COL4A5: variants seen among roughly 807,000 people sequenced by gnomAD.
COL4A5 encodes collagen type IV alpha 5 chain.
A neutral mutation model predicts 130.2 loss-of-function variants in COL4A5; 26 were observed. That is an observed-to-expected ratio of 0.20 (90% CI 0.15 to 0.28). The LOEUF (loss-of-function observed/expected upper bound fraction) is 0.28. COL4A5 is among the 10% of genes least tolerant of loss of function. The pLI, the probability that COL4A5 is intolerant of heterozygous loss-of-function variation, is 1.00. For synonymous variants in COL4A5, 496 were observed against 439.6 expected, an observed-to-expected ratio of 1.13 and a Z score of -1.60; for missense variants, 1,131 against 1,344.3, an observed-to-expected ratio of 0.84 and a Z score of 2.48.
At chrX:108,526,467 C>G (rs1220666759) in intron 1 of COL4A5, among the ~76,000 whole-genome samples, 1 of 110,086 alleles carries the variant, frequency 9.1e-6, no homozygotes, top group African/African-American at 3.3e-5. Flanking sequence ...TTTCCCTTTC[C>G]TTTTCCTCTT....
At position 108,580,676 on chromosome X, in the gene COL4A5, G is replaced by T; in HGVS notation, c.835-6G>T. On this transcript the variant is annotated splice_region_variant and splice_polypyrimidine_tract_variant and intron_variant, in intron 14 of 52. Transcript: ENST00000328300. ...AACCATTGTGAAACTATTTTTATGT[G>T]TACAGGGTCCCCCAGGTGGTGAGAA... 12 of 1,209,742 alleles carry T rather than the reference G, an allele frequency of 9.9e-6. No individual in the cohort carries two copies. Among genetic ancestry groups the T allele is most frequent in the Non-Finnish European group, 1.3e-5 (12 of 893,828 alleles).
chrX:108,549,375 A>G (rs1397765775), intron 2 of COL4A5, among the ~76,000 whole-genome samples: 1 of 112,034 alleles, frequency 8.9e-6, no homozygotes, highest in East Asian at 2.8e-4. Flanking sequence ...GACCCTCTAA[A>G]TACCAAAAGA....
chrX:108,620,124 G>A lies in COL4A5; in HGVS notation c.2510-135G>A, dbSNP rs2067009523. On this transcript the variant is annotated intron_variant, in intron 30 of 52. Coordinates refer to ENST00000328300, the MANE Select transcript of COL4A5 (RefSeq NM_033380.3). Reference sequence around the variant, plus strand: ...GATTGTTCAGTTATTTTGTGTGCATGATGTCAAAAGTATCTCTAACTCACT... The same window carrying A: ...GATTGTTCAGTTATTTTGTGTGCATAATGTCAAAAGTATCTCTAACTCACT... 1.3e-5 allele frequency: 7 copies of A among 530,714 alleles called. No individual in the cohort carries two copies. In the East Asian group the frequency reaches 1.8e-4, roughly 14 times the overall value. The allele number at this position is 530,714 out of a possible 1,213,427, so 43.7% of individuals were successfully genotyped here. A position where few individuals can be genotyped will look rare whatever the true frequency, so the allele number is the denominator to read the frequency against.
chrX:108,473,344 G>C (rs1443631456), intron 1 of COL4A5, among the ~76,000 whole-genome samples: 1 of 107,640 alleles, frequency 9.3e-6, no homozygotes, highest in Non-Finnish European at 1.9e-5. Context: ...AGGTACTTCA[G>C]AAGGTATTTG....
chrX:108,466,113 TGG>T (rs1225187751), intron 1 of COL4A5, among the ~76,000 whole-genome samples: 318 of 112,350 alleles, frequency 2.8e-3, no homozygotes, highest in African/African-American at 9.9e-3. Flanking sequence ...TTGCATTGTA[TGG>T]ATATACCACA....
chrX:108,633,885 T>C (rs1035158971), intron 36 of COL4A5, among the ~76,000 whole-genome samples: 2 of 111,930 alleles, frequency 1.8e-5, no homozygotes, highest in South Asian at 7.3e-4. Context: ...TAGGTACAGG[T>C]GATCTTTGCT....
chrX:108,674,263 A>G (rs949354579), intron 42 of COL4A5, among the ~76,000 whole-genome samples: 2 of 111,190 alleles, frequency 1.8e-5, no homozygotes, highest in African/African-American at 6.5e-5. Flanking sequence ...TATCTTCTTG[A>G]AGCAGTCTGA....
chrX:108,685,446 A>G (rs1328338863), intron 47 of COL4A5, among the ~76,000 whole-genome samples: 5 of 112,385 alleles, frequency 4.4e-5, no homozygotes, highest in Admixed American at 3.8e-4. Context: ...TCCAATTTGA[A>G]CAACTAATTA....
At chrX:108,655,563 C>T in intron 37 of COL4A5, 106 bp downstream of exon 37, 2 of 889,539 alleles carry the variant, frequency 2.2e-6, no homozygotes, top group Admixed American at 2.4e-5. Context: ...ATTTCCCAAT[C>T]AGATACTGAC....
intron 36 of COL4A5, among the ~76,000 whole-genome samples, chrX:108,648,770 C>T (rs1203990571): frequency 3.6e-5 from 4 of 111,489 alleles, no homozygotes; most frequent in African/African-American, 1.3e-4. Context: ...TATGACAAAC[C>T]CACAGCCAAC....
chrX:108,450,795 G>A (rs777286359), intron 1 of COL4A5, among the ~76,000 whole-genome samples: 6 of 110,790 alleles, frequency 5.4e-5, no homozygotes, highest in African/African-American at 1.3e-4. Flanking sequence ...AAGATAGATC[G>A]AGTTTAATGT....
rs182239618 is a variant in COL4A5 at position 108,560,193 on chromosome X, G to A, written c.231+1040G>A. Among the ~76,000 whole-genome samples the A allele has an allele frequency of 2.7e-5, 3 of 112,009 alleles. No homozygotes were observed. In the Admixed American group the frequency reaches 2.8e-4, roughly 11 times the overall value. On this transcript the variant is annotated intron_variant, in intron 3 of 52. Coordinates refer to ENST00000328300, the MANE Select transcript of COL4A5 (RefSeq NM_033380.3). ...CTTGGAGAACTGAATGTAAGCATGA[G>A]CCCCAGCTATTGCCAAGCCAGTAAT...
chrX:108,541,133 A>T (rs778468324), intron 2 of COL4A5, among the ~76,000 whole-genome samples: 1 of 112,269 alleles, frequency 8.9e-6, no homozygotes, highest in South Asian at 3.7e-4. Context: ...TACATTTCCA[A>T]GCCCCATTTG....
At chrX:108,440,798 T>C (rs1420235842) in intron 1 of COL4A5, among the ~76,000 whole-genome samples, 2 of 112,061 alleles carry the variant, frequency 1.8e-5, no homozygotes, top group East Asian at 5.6e-4. Context: ...TAAGGCAACA[T>C]ACCAAGAAGA....
chrX:108,535,443 G>A lies in COL4A5; in HGVS notation c.82-4303G>A, dbSNP rs190906471. ...AGAATTATTTGAAGTTTACTATGAA[G>A]GCATGTTTTTTCTACGTAGAGTCAG... On this transcript the variant is annotated intron_variant, in intron 1 of 52. Transcript: ENST00000328300. Among the ~76,000 whole-genome samples the A allele has an allele frequency of 3.9e-3, 431 of 110,966 alleles. 2 individuals are homozygous for A. The highest frequency in any genetic ancestry group is 0.012 in the Admixed American group (122 of 10,394).
At chrX:108,457,161 A>G (rs1223663818) in intron 1 of COL4A5, among the ~76,000 whole-genome samples, 1 of 112,256 alleles carries the variant, frequency 8.9e-6, no homozygotes, top group Non-Finnish European at 1.9e-5. Flanking sequence ...CTCTGCTGTG[A>G]ATATTTGTAA....
At chrX:108,465,501 C>G (rs1426961966) in intron 1 of COL4A5, among the ~76,000 whole-genome samples, 4 of 111,780 alleles carry the variant, frequency 3.6e-5, no homozygotes, top group Non-Finnish European at 7.5e-5. Flanking sequence ...AATATACACA[C>G]ACGTATATTA....
intron 36 of COL4A5, chrX:108,627,527 G>T: frequency 1.4e-6 from 1 of 711,134 alleles, no homozygotes; most frequent in Non-Finnish European, 1.7e-6. Flanking sequence ...TTTCTTTGTC[G>T]TCATACATTA....
chrX:108,681,971 T>C (rs1308463233), intron 47 of COL4A5, 83 bp downstream of exon 47: 2 of 920,211 alleles, frequency 2.2e-6, no homozygotes, highest in South Asian at 2.1e-5. Flanking sequence ...GTTTGTTACA[T>C]AGGTATACAC....
Sources: gnomAD v4.1 joint callset for allele counts (sites outside exome capture counted in the v4.1 genomes callset) on GRCh38, gnomAD v4.1.1 for gene constraint, MANE v1.5 for transcripts, NCBI Gene and HGNC (gene_info 2026-07-23, HGNC 2026-07-21) for gene names.